The following DEFB119 variants were observed in gnomAD, a reference collection of about 807,000 sequenced individuals.
DEFB119 encodes the protein beta-defensin 119.
A neutral mutation model predicts 2.5 loss-of-function variants in DEFB119; 3 were observed. That is an observed-to-expected ratio of 1.19 (90% CI 0.54 to 3.07). The LOEUF (loss-of-function observed/expected upper bound fraction) is 3.07, where lower values mean the gene tolerates loss of function less well. Among genes scored for constraint, DEFB119 ranks in the 30% most tolerant of loss-of-function variants. The probability of loss-of-function intolerance (pLI) is 0.03; values close to 1 mark genes in which losing one functional copy is unlikely to be tolerated. For synonymous variants in DEFB119, 29 were observed against 33.7 expected, an observed-to-expected ratio of 0.86 and a Z score of 0.48; for missense variants, 113 against 101.1, an observed-to-expected ratio of 1.12 and a Z score of -0.50.
At chr20:31,380,862 C>A (rs1241050608) in intron 1 of DEFB119, among the ~76,000 whole-genome samples, 8 of 152,006 alleles carry the variant, frequency 5.3e-5, no homozygotes, top group Non-Finnish European at 1.5e-5. Flanking sequence ...TAAAATAATT[C>A]TTCCAACTTT....
chr20:31,388,927 C>A (rs1443050651), intron 1 of DEFB119: 1 of 1,533,916 alleles, frequency 6.5e-7, no homozygotes, highest in Non-Finnish European at 8.8e-7. Context: ...ACCCTCAATC[C>A]ATTTGAAGTA....
rs894149613 is a variant in DEFB119 at position 31,388,248 on chromosome 20, G to A, written c.61+2175C>T. The A allele has an allele frequency of 3.0e-6, 3 of 985,242 alleles. No individual in the cohort carries two copies. In the African/African-American group the frequency reaches 5.2e-5, roughly 17 times the overall value. 61.0% of individuals were successfully genotyped at this position (985,242 alleles called of 1,614,324 possible). A position where few individuals can be genotyped will look rare whatever the true frequency, so the allele number is the denominator to read the frequency against. ...CCCTCAGACTCTAACACAGTTGGAAGGCACACAGTTCATATTTCATAAATC... is the reference window on the plus strand; with the variant it reads ...CCCTCAGACTCTAACACAGTTGGAAAGCACACAGTTCATATTTCATAAATC... On this transcript the variant is annotated intron_variant, in intron 1 of 1. Coordinates refer to ENST00000376321, the MANE Select transcript of DEFB119 (RefSeq NM_153289.4).
chr20:31,381,149 T>G (rs1282441786), intron 1 of DEFB119, among the ~76,000 whole-genome samples: 1 of 152,228 alleles, frequency 6.6e-6, no homozygotes, highest in African/African-American at 2.4e-5. Flanking sequence ...AGATGTACAC[T>G]TAAGTGTTTT....
intron 1 of DEFB119, chr20:31,378,351 C>A (rs1217956620): frequency 6.2e-7 from 1 of 1,614,208 alleles, no homozygotes; most frequent in Non-Finnish European, 8.5e-7. Context: ...CTTCCACCCA[C>A]CTGGCAGTAT....
At chr20:31,379,758 C>T (rs774600772) in intron 1 of DEFB119, among the ~76,000 whole-genome samples, 1 of 151,674 alleles carries the variant, frequency 6.6e-6, no homozygotes, top group Non-Finnish European at 1.5e-5. Context: ...CTCTGCATCC[C>T]GGGTTCACAC....
At chr20:31,389,299 G>A in intron 1 of DEFB119, 2 of 1,602,536 alleles carry the variant, frequency 1.2e-6, no homozygotes, top group Non-Finnish European at 1.7e-6. Flanking sequence ...AGACAAGGCA[G>A]AGGAGGAACA....
chr20:31,389,267 G>C, intron 1 of DEFB119: 1 of 1,613,200 alleles, frequency 6.2e-7, no homozygotes, highest in Non-Finnish European at 8.5e-7. Context: ...GCAGATGTTA[G>C]TATCCCTCAA....
At position 31,377,294 on chromosome 20, in the gene DEFB119, C is replaced by G; in HGVS notation, c.207G>C (p.Glu69Asp). The G allele has an allele frequency of 6.2e-7, 1 of 1,614,078 alleles. No individual in the cohort carries two copies. The highest frequency in any genetic ancestry group is 8.5e-7 in the Non-Finnish European group (1 of 1,179,994). Residue 69 changes from glutamate to aspartate, a missense_variant, in exon 2 of 2, where the codon GAG (glutamate) becomes GAC (aspartate). Glu to Asp is a conservative substitution (Grantham distance 45). Coordinates refer to ENST00000376321, the MANE Select transcript of DEFB119 (RefSeq NM_153289.4). ...SYMRISISGK[E>D]ENTDWSYEKQ... ...TCTCATAAGACCAGTCGGTATTTTC[C>G]TCTTTGCCAGAAATGCTTATCCTCA...
At chr20:31,383,338 G>C (rs1411955612) in intron 1 of DEFB119, among the ~76,000 whole-genome samples, 1 of 151,294 alleles carries the variant, frequency 6.6e-6, no homozygotes, top group East Asian at 2.0e-4. Flanking sequence ...GAGGCCAGGA[G>C]TTCGAACAAG....
At chr20:31,382,689 C>T (rs1986543465) in intron 1 of DEFB119, among the ~76,000 whole-genome samples, 1 of 152,148 alleles carries the variant, frequency 6.6e-6, no homozygotes, top group South Asian at 2.1e-4. Context: ...CTTTTGTGCC[C>T]CCACCAGATC....
At chr20:31,385,212 T>C (rs1986648154) in intron 1 of DEFB119, among the ~76,000 whole-genome samples, 1 of 152,168 alleles carries the variant, frequency 6.6e-6, no homozygotes, top group African/African-American at 2.4e-5. Flanking sequence ...GAAAAATCCT[T>C]TTTCTACTCC....
chr20:31,378,481 C>CAAAAAAAAAAA, intron 1 of DEFB119: 3 of 1,569,076 alleles, frequency 1.9e-6, no homozygotes, highest in Admixed American at 1.8e-5. Flanking sequence ...CGCGTTCCAG[C>CAAAAAAAAAAA]AAAAATTACT....
In DEFB119 at chr20:31,377,358, T is replaced by G; in HGVS notation, c.143A>C (p.Tyr48Ser). The change falls in exon 2 of 2, where the codon TAT (tyrosine) becomes TCT (serine). Residue 48 changes from tyrosine to serine, a missense_variant. Coordinates refer to ENST00000376321, the MANE Select transcript of DEFB119 (RefSeq NM_153289.4). ...SCKKNEQPYL[Y>S]CRNCQSCCLQ... ...GCAGCAGGACTGACAATTTCTGCAATAGAGGTAGGGCTGTTCGTTCTTTTT... is the reference window on the plus strand; with the variant it reads ...GCAGCAGGACTGACAATTTCTGCAAGAGAGGTAGGGCTGTTCGTTCTTTTT... 6.2e-7 allele frequency: 1 copy of G among 1,614,136 alleles called. No individual in the cohort carries two copies. The highest frequency in any genetic ancestry group is 1.3e-5 in the African/African-American group (1 of 75,020).
chr20:31,379,064 T>A (rs777195956), intron 1 of DEFB119, among the ~76,000 whole-genome samples: 11 of 151,408 alleles, frequency 7.3e-5, no homozygotes, highest in Non-Finnish European at 1.6e-4. Context: ...CAGCCTCCCA[T>A]GTAGCTAGGA....
intron 1 of DEFB119, among the ~76,000 whole-genome samples, chr20:31,387,286 A>C (rs1027497446): frequency 6.6e-6 from 1 of 152,206 alleles, no homozygotes; most frequent in Non-Finnish European, 1.5e-5. Context: ...TTGTGAATTT[A>C]AAATAATTCT....
Position 31,377,377 on chromosome 20 carries a change from T to A in DEFB119, c.124A>T (p.Asn42Tyr). Residue 42 changes from asparagine (N) to tyrosine (Y), a missense_variant, in exon 2 of 2, where the codon AAC becomes TAC. Asn to Tyr is a moderately radical substitution (Grantham distance 143). Transcript: ENST00000376321. ...CTGCAATAGAGGTAGGGCTGTTCGTTCTTTTTGCAAGAGGCCCTACAAATT... is the reference window on the plus strand; with the variant it reads ...CTGCAATAGAGGTAGGGCTGTTCGTACTTTTTGCAAGAGGCCCTACAAATT... ...SGICRASCKK[N>Y]EQPYLYCRNC... 1 of 1,614,112 alleles carries A rather than the reference T, an allele frequency of 6.2e-7. No homozygotes were observed. The highest frequency in any genetic ancestry group is 8.5e-7 in the Non-Finnish European group (1 of 1,180,000).
At chr20:31,388,856 C>G in intron 1 of DEFB119, 2 of 1,238,508 alleles carry the variant, frequency 1.6e-6, no homozygotes, top group Admixed American at 2.4e-5. Context: ...CACACCATCG[C>G]TATGACCCAG....
intron 1 of DEFB119, 105 bp from the exon 2 acceptor site, chr20:31,377,544 C>T: frequency 8.1e-7 from 1 of 1,229,882 alleles, no homozygotes; most frequent in Admixed American, 2.5e-5. Context: ...AGGGAGAAAA[C>T]CTAAAGGACA....
intron 1 of DEFB119, chr20:31,388,867 C>T (rs1185663145): frequency 2.3e-6 from 3 of 1,327,736 alleles, no homozygotes; most frequent in Non-Finnish European, 3.1e-6. Flanking sequence ...TATGACCCAG[C>T]CCTAGTGACT....
Sources: allele counts gnomAD v4.1 joint callset (sites outside exome capture counted in the v4.1 genomes callset), GRCh38; gene constraint gnomAD v4.1.1; transcripts MANE v1.5; gene names NCBI Gene and HGNC (gene_info 2026-07-23, HGNC 2026-07-21).